The following TENM2 variants were observed in gnomAD, a reference collection of about 807,000 sequenced individuals.
The protein encoded by TENM2 is teneurin-2.
Under a neutral mutation model 245.2 loss-of-function variants are expected in TENM2, and 52 were observed. The ratio of observed to expected loss-of-function variants is 0.21; its 90% CI spans 0.17 to 0.27. The LOEUF (loss-of-function observed/expected upper bound fraction) is 0.27, where lower values mean the gene tolerates loss of function less well. TENM2 is among the 10% of genes least tolerant of loss of function. TENM2 has a pLI of 1.00. For missense variants in TENM2, 3,046 were observed against 3,666.8 expected, an observed-to-expected ratio of 0.83 and a Z score of 4.37; for synonymous variants, 1,363 against 1,438.9, an observed-to-expected ratio of 0.95 and a Z score of 1.19.
intron 1 of TENM2, among the ~76,000 whole-genome samples, chr5:167,323,112 T>A (rs2127774935): frequency 6.6e-6 from 1 of 152,360 alleles, no homozygotes; most frequent in South Asian, 2.1e-4. Context: ...TGTCTTTTTC[T>A]CCTTCAAATT....
At chr5:167,422,939 T>C (rs936321890) in intron 2 of TENM2, among the ~76,000 whole-genome samples, 1 of 152,182 alleles carries the variant, frequency 6.6e-6, no homozygotes, top group Non-Finnish European at 1.5e-5. Flanking sequence ...CCAGTAGTTT[T>C]ATGATGCACT....
the TENM2 span, among the ~76,000 whole-genome samples, chr5:167,000,943 G>T: frequency 6.6e-6 from 1 of 151,856 alleles, no homozygotes; most frequent in Admixed American, 6.6e-5. Context: ...TAAAAATTTT[G>T]TCTGTGGTTT....
At chr5:168,161,993 A>T (rs1320282453) in intron 12 of TENM2, among the ~76,000 whole-genome samples, 3 of 152,140 alleles carry the variant, frequency 2.0e-5, no homozygotes, top group African/African-American at 7.2e-5. Context: ...CAGTATTTTT[A>T]AATTGTGCCA....
chr5:167,867,544 C>G (rs191782103), intron 2 of TENM2, among the ~76,000 whole-genome samples: 1 of 152,118 alleles, frequency 6.6e-6, no homozygotes, highest in Non-Finnish European at 1.5e-5. Context: ...CATCTGAAAA[C>G]GATTTGTTTT....
At chr5:167,283,915 G>A (rs1317486498), upstream of TENM2, among the ~76,000 whole-genome samples, 7 of 152,088 alleles carry the variant, frequency 4.6e-5, no homozygotes. Context: ...GGGGCTCCCT[G>A]GTTGCCAGTT....
At chr5:168,185,835 T>A (rs191759974) in intron 13 of TENM2, among the ~76,000 whole-genome samples, 2,901 of 138,220 alleles carry the variant, frequency 0.021, 42 homozygotes, top group Non-Finnish European at 0.032. Flanking sequence ...TCTTTTTTTT[T>A]AAAATGAAAA....
intron 2 of TENM2, among the ~76,000 whole-genome samples, chr5:167,645,259 C>G (rs975012255): frequency 2.6e-5 from 4 of 152,144 alleles, no homozygotes; most frequent in African/African-American, 9.7e-5. Flanking sequence ...CGAGCACAAT[C>G]AAATTTTCAT....
In TENM2 at chr5:168,074,991, T is replaced by C. The variant is rs143693500; in HGVS notation, c.1515+12726T>C. 1.4e-4 allele frequency among the ~76,000 whole-genome samples: 22 copies of C among 152,356 alleles called. No individual in the cohort carries two copies. The East Asian group carries it at 2.5e-3, about 17-fold the overall frequency. On this transcript the variant is annotated intron_variant, in intron 7 of 28. Coordinates refer to ENST00000518659, the Ensembl canonical transcript of TENM2. Reference sequence around the variant, plus strand: ...AACAGGTGGTGTTTGGTTCCGTGAATAAGTTCTTTAGTGGTGATTTCTGAG... The same window carrying C: ...AACAGGTGGTGTTTGGTTCCGTGAACAAGTTCTTTAGTGGTGATTTCTGAG...
chr5:167,667,957 C>T (rs1323510264), intron 2 of TENM2, among the ~76,000 whole-genome samples: 1 of 152,214 alleles, frequency 6.6e-6, no homozygotes, highest in Non-Finnish European at 1.5e-5. Context: ...CAGTAAAGAA[C>T]TCTTCATTTT....
intron 3 of TENM2, among the ~76,000 whole-genome samples, chr5:167,907,125 G>A (rs1028101902): frequency 7.2e-5 from 11 of 152,056 alleles, no homozygotes; most frequent in Admixed American, 5.2e-4. Flanking sequence ...CCAGCTACTC[G>A]GGAGGCTGAG....
At chr5:167,644,059 C>A (rs1278610584) in intron 2 of TENM2, among the ~76,000 whole-genome samples, 1 of 152,028 alleles carries the variant, frequency 6.6e-6, no homozygotes, top group African/African-American at 2.4e-5. Flanking sequence ...AATATAGTTA[C>A]CCTCTCAAAT....
rs71593155 is a variant in TENM2, at chr5:167,959,188, C to CTT, written c.947+6381_947+6382dup. Among the ~76,000 whole-genome samples the CTT allele has an allele frequency of 2.3e-3, 322 of 138,236 alleles. 2 individuals carry two copies. Among genetic ancestry groups the CTT allele is most frequent in the Non-Finnish European group, 3.0e-3 (190 of 63,994 alleles). 90.7% of individuals were successfully genotyped at this position (138,236 alleles called of 152,430 possible). Reference sequence around the variant, plus strand: ...GAGGCTTAGTTCATTCCTTTTCATTCTTTTTTTTTTTTTTTTCTTTTTTTG... The same window carrying CTT: ...GAGGCTTAGTTCATTCCTTTTCATTCTTTTTTTTTTTTTTTTTTCTTTTTTTG... On this transcript the variant is annotated intron_variant, in intron 4 of 28. Coordinates refer to ENST00000518659, the Ensembl canonical transcript of TENM2.
At chr5:167,129,218 C>G in the TENM2 span, among the ~76,000 whole-genome samples, 1 of 152,038 alleles carries the variant, frequency 6.6e-6, no homozygotes, top group Non-Finnish European at 1.5e-5. Context: ...ATGTGTGTGG[C>G]GTGCTGGGTG....
At chr5:167,450,558 G>T (rs1298559505) in intron 2 of TENM2, among the ~76,000 whole-genome samples, 1 of 152,128 alleles carries the variant, frequency 6.6e-6, no homozygotes, top group African/African-American at 2.4e-5. Flanking sequence ...AACTCTATAA[G>T]CTTATTCTTT....
intron 3 of TENM2, among the ~76,000 whole-genome samples, chr5:167,883,680 C>T (rs1774060020): frequency 6.6e-6 from 1 of 152,204 alleles, no homozygotes; most frequent in Admixed American, 6.6e-5. Flanking sequence ...ATGTCCTAGG[C>T]AAGCCCAGAG....
chr5:167,159,935 A>G, the TENM2 span, among the ~76,000 whole-genome samples: 14 of 152,316 alleles, frequency 9.2e-5, no homozygotes, highest in East Asian at 2.3e-3. Flanking sequence ...AAACAGTCCC[A>G]AGAGGTTACC....
intron 2 of TENM2, among the ~76,000 whole-genome samples, chr5:167,443,656 A>G (rs1041214646): frequency 5.9e-5 from 9 of 152,294 alleles, no homozygotes; most frequent in Admixed American, 2.0e-4. Flanking sequence ...TTTATAAAAT[A>G]TTTTTGTTTG....
At chr5:167,498,592 A>G (rs955981620) in intron 2 of TENM2, among the ~76,000 whole-genome samples, 1 of 152,112 alleles carries the variant, frequency 6.6e-6, no homozygotes, top group Admixed American at 6.6e-5. Flanking sequence ...CTGGGCACAG[A>G]TGCCAGCAGA....
intron 5 of TENM2, among the ~76,000 whole-genome samples, chr5:168,041,531 T>C (rs1032526728): frequency 6.6e-6 from 1 of 152,200 alleles, no homozygotes; most frequent in Admixed American, 6.5e-5. Flanking sequence ...TTTGCTCAAA[T>C]GTTACCTATC....
Sources: allele counts gnomAD v4.1 joint callset (sites outside exome capture counted in the v4.1 genomes callset), GRCh38; gene constraint gnomAD v4.1.1; transcripts MANE v1.5; gene names NCBI Gene and HGNC (gene_info 2026-07-23, HGNC 2026-07-21).